NPAS2: variants seen among roughly 807,000 people sequenced by gnomAD.
NPAS2 encodes the protein neuronal PAS domain protein 2.
A neutral mutation model predicts 107.5 loss-of-function variants in NPAS2; 23 were observed. The ratio of observed to expected loss-of-function variants is 0.21; its 90% confidence interval spans 0.15 to 0.30. The LOEUF is 0.30. Ranked by LOEUF, NPAS2 falls within the 10% of genes least tolerant of loss-of-function variation. NPAS2 has a pLI of 1.00. For synonymous variants in NPAS2, 403 were observed against 417.5 expected (o/e 0.97, Z 0.42); for missense variants, 756 against 1,043.3 (o/e 0.72, Z 3.79).
chr2:100,865,821 C>CT (rs966722047), intron 1 of NPAS2, among the ~76,000 whole-genome samples: 9 of 152,308 alleles, frequency 5.9e-5, no homozygotes, highest in Middle Eastern at 6.8e-3. Flanking sequence ...ACCATACTCT[C>CT]TAAGTTCTGG....
chr2:100,864,388 A>G (rs1435756769), intron 1 of NPAS2, among the ~76,000 whole-genome samples: 1 of 152,234 alleles, frequency 6.6e-6, no homozygotes, highest in Non-Finnish European at 1.5e-5. Context: ...AAACTGTGTG[A>G]TATAATAATA....
chr2:100,937,211 GT>G (rs1483726248), intron 4 of NPAS2, among the ~76,000 whole-genome samples: 1 of 151,876 alleles, frequency 6.6e-6, no homozygotes, highest in Non-Finnish European at 1.5e-5. Flanking sequence ...TAATGTGAAT[GT>G]TCTTTACAAA....
chr2:100,983,450 CAG>C (rs1192479508), intron 16 of NPAS2: 1 of 152,684 alleles, frequency 6.5e-6, no homozygotes, highest in Non-Finnish European at 1.5e-5. Flanking sequence ...GCCTGGCCCT[CAG>C]GGGCACTCCT....
At chr2:100,978,526 AAAAGAAAGAAAG>A (rs137857480) in intron 15 of NPAS2, among the ~76,000 whole-genome samples, 6 of 151,638 alleles carry the variant, frequency 4.0e-5, no homozygotes, top group East Asian at 1.9e-4. Context: ...TGTTTAAAAA[AAAAGAAAGAAAG>A]AAAGAAAGAA....
chr2:100,935,845 T>G (rs910086816), intron 4 of NPAS2, among the ~76,000 whole-genome samples: 1 of 152,232 alleles, frequency 6.6e-6, no homozygotes. Context: ...GATGTACTTC[T>G]TCGTTTACTG....
chr2:100,835,498 G>A (rs1469085517), intron 1 of NPAS2, among the ~76,000 whole-genome samples: 1 of 152,176 alleles, frequency 6.6e-6, no homozygotes, highest in Non-Finnish European at 1.5e-5. Flanking sequence ...GAGGCTGCGT[G>A]TGAAAGGGTA....
At chr2:100,831,099 A>G (rs1415788542) in intron 1 of NPAS2, among the ~76,000 whole-genome samples, 1 of 152,132 alleles carries the variant, frequency 6.6e-6, no homozygotes. Context: ...CAGGAGTTCA[A>G]GACCAGCCTG....
chr2:100,930,081 A>G (rs541237610), intron 3 of NPAS2, among the ~76,000 whole-genome samples: 48 of 152,362 alleles, frequency 3.2e-4, no homozygotes, highest in African/African-American at 1.1e-3. Flanking sequence ...TAAAGTCTGT[A>G]AATAGCAGGA....
At chr2:100,862,954 G>A (rs974802396) in intron 1 of NPAS2, among the ~76,000 whole-genome samples, 4 of 152,174 alleles carry the variant, frequency 2.6e-5, no homozygotes, top group African/African-American at 9.7e-5. Context: ...TAGTGAAATG[G>A]TGTTGTCGGG....
rs1309482077 is a variant in NPAS2 at position 100,982,703 on chromosome 2, T to C, written c.1629+326T>C. ...GGATGCCTGCCTCGGTCCTGGGTAGTACCTCCCTGCACCTCTATAACTTTG... is the reference window on the plus strand; with the variant it reads ...GGATGCCTGCCTCGGTCCTGGGTAGCACCTCCCTGCACCTCTATAACTTTG... On this transcript the variant is annotated intron_variant, in intron 16 of 20. Transcript: ENST00000335681. 1.2e-5 allele frequency: 4 copies of C among 329,212 alleles called. No individual in the cohort carries two copies. The East Asian group carries it at 2.0e-4, about 17-fold the overall frequency. The allele number at this position is 329,212 out of a possible 1,614,324, so 20.4% of individuals were successfully genotyped here.
chr2:100,889,281 G>A (rs1680906580), intron 1 of NPAS2, among the ~76,000 whole-genome samples: 1 of 152,180 alleles, frequency 6.6e-6, no homozygotes, highest in African/African-American at 2.4e-5. Flanking sequence ...GTTCGAAGAG[G>A]GAAAATGGAA....
At chr2:100,842,085 A>ATG (rs1558798461) in intron 1 of NPAS2, among the ~76,000 whole-genome samples, 5 of 74,940 alleles carry the variant, frequency 6.7e-5, no homozygotes, top group African/African-American at 1.8e-4. Flanking sequence ...GTACGCGCAC[A>ATG]CACACACACA....
chr2:100,979,201 A>C (rs532346378), intron 15 of NPAS2, among the ~76,000 whole-genome samples: 1 of 152,016 alleles, frequency 6.6e-6, no homozygotes, highest in Non-Finnish European at 1.5e-5. Context: ...TCTGGAATCT[A>C]CTCATTAAAA....
At chr2:100,975,663 G>A (rs745456077) in intron 14 of NPAS2, 96 bp downstream of exon 14, 8 of 867,044 alleles carry the variant, frequency 9.2e-6, no homozygotes, top group African/African-American at 7.0e-5. Context: ...CAGAGAATCC[G>A]TTTTACTTAG....
intron 11 of NPAS2, among the ~76,000 whole-genome samples, chr2:100,969,456 T>C (rs1016876639): frequency 1.3e-5 from 2 of 152,224 alleles, no homozygotes; most frequent in Non-Finnish European, 2.9e-5. Context: ...ATGCGGTGTT[T>C]GGTTTTCTGT....
intron 19 of NPAS2, 137 bp downstream of exon 19, chr2:100,991,009 G>T: frequency 2.8e-6 from 2 of 711,454 alleles, no homozygotes; most frequent in Non-Finnish European, 4.9e-6. Flanking sequence ...CCACAGCTGT[G>T]AAGGGGACGC....
chr2:100,959,225 G>A (rs1010425311), intron 7 of NPAS2, among the ~76,000 whole-genome samples: 4 of 151,778 alleles, frequency 2.6e-5, no homozygotes, highest in South Asian at 2.1e-4. Context: ...AGCCAAGATC[G>A]CACCACTGTG....
chr2:100,933,412 C>T (rs189946321), intron 4 of NPAS2, among the ~76,000 whole-genome samples: 205 of 152,282 alleles, frequency 1.3e-3, no homozygotes, highest in African/African-American at 4.4e-3. Flanking sequence ...AGTAGAAACA[C>T]GTTTTGAAAT....
At chr2:100,966,435 C>T (rs1326002127) in intron 10 of NPAS2, among the ~76,000 whole-genome samples, 12 of 152,122 alleles carry the variant, frequency 7.9e-5, no homozygotes, top group African/African-American at 2.7e-4. Flanking sequence ...TCTCACTTAG[C>T]AAGTGGTTTC....
Sources: gnomAD v4.1 joint callset for allele counts (sites outside exome capture counted in the v4.1 genomes callset) on GRCh38, gnomAD v4.1.1 for gene constraint, MANE v1.5 for transcripts, NCBI Gene and HGNC (gene_info 2026-07-23, HGNC 2026-07-21) for gene names.